The following KIAA1217 variants were observed in gnomAD, a reference collection of about 807,000 sequenced individuals.
The protein encoded by KIAA1217 is KIAA1217.
A neutral mutation model predicts 163.9 loss-of-function variants in KIAA1217; 88 were observed. The observed-to-expected ratio is 0.54, with a 90% CI of 0.45 to 0.64. The LOEUF is 0.64. KIAA1217 is among the 30% of genes least tolerant of loss of function. The probability of loss-of-function intolerance (pLI) is 0.00; values close to 1 mark genes in which losing one functional copy is unlikely to be tolerated. For missense variants in KIAA1217, 2,372 were observed against 2,475.0 expected, an observed-to-expected ratio of 0.96 and a Z score of 0.88; for synonymous variants, 903 against 923.1, an observed-to-expected ratio of 0.98 and a Z score of 0.39.
At chr10:24,411,920 G>T (rs1316250605) in intron 3 of KIAA1217, among the ~76,000 whole-genome samples, 1 of 151,988 alleles carries the variant, frequency 6.6e-6, no homozygotes, top group African/African-American at 2.4e-5. Context: ...TGATGCTTTT[G>T]ATTCCAGCCA....
chr10:23,942,666 A>G (rs1055171805), intron 1 of KIAA1217, among the ~76,000 whole-genome samples: 6 of 150,848 alleles, frequency 4.0e-5, no homozygotes, highest in Non-Finnish European at 8.9e-5. Flanking sequence ...ACATCACAGT[A>G]AGATTGCTAG....
intron 2 of KIAA1217, among the ~76,000 whole-genome samples, chr10:24,199,417 T>A (rs980739585): frequency 1.3e-5 from 2 of 152,182 alleles, no homozygotes; most frequent in Non-Finnish European, 2.9e-5. Context: ...ATGGTAAGAA[T>A]TTGACCCAAT....
At chr10:24,421,231 A>G (rs999838032) in intron 3 of KIAA1217, among the ~76,000 whole-genome samples, 3 of 152,152 alleles carry the variant, frequency 2.0e-5, no homozygotes, top group Non-Finnish European at 4.4e-5. Context: ...GTCTCAAGCT[A>G]CGGACCTCAG....
chr10:23,752,564 T>A (rs1035812870), intron 1 of KIAA1217, among the ~76,000 whole-genome samples: 3 of 152,218 alleles, frequency 2.0e-5, no homozygotes, highest in Non-Finnish European at 4.4e-5. Flanking sequence ...TCATTTTTAT[T>A]TTCATTAACT....
chr10:24,446,682 A>T (rs1460555741), intron 5 of KIAA1217, among the ~76,000 whole-genome samples: 2 of 152,222 alleles, frequency 1.3e-5, no homozygotes, highest in African/African-American at 2.4e-5. Flanking sequence ...TCAATAACTA[A>T]CATTCCTGAC....
At chr10:24,204,666 T>C (rs1349115792), upstream of KIAA1217, among the ~76,000 whole-genome samples, 1 of 152,160 alleles carries the variant, frequency 6.6e-6, no homozygotes, top group East Asian at 1.9e-4. Flanking sequence ...GTTGTAATTA[T>C]TAATAGTGTC....
rs116038425 is a variant in KIAA1217, at chr10:24,399,352, C to G, written c.553+18285C>G. 5.6e-3 allele frequency among the ~76,000 whole-genome samples: 856 copies of G among 152,208 alleles called. 8 individuals carry two copies. Among genetic ancestry groups the G allele is most frequent in the African/African-American group, 0.02 (822 of 41,528 alleles). ...GTGACGTACTCACTTTTAACTTATT[C>G]TTTTTACCGATGATGTTAACTCAAA... On this transcript the variant is annotated intron_variant, in intron 3 of 20. Coordinates refer to ENST00000376454, the MANE Select transcript of KIAA1217 (RefSeq NM_019590.5).
At chr10:24,252,481 G>A (rs1031591256) in intron 2 of KIAA1217, among the ~76,000 whole-genome samples, 11 of 152,154 alleles carry the variant, frequency 7.2e-5, no homozygotes, top group Non-Finnish European at 1.5e-4. Flanking sequence ...TCTAGAAGCC[G>A]AGGCCAAAGG....
intron 1 of KIAA1217, among the ~76,000 whole-genome samples, chr10:23,792,822 A>G (rs1328655253): frequency 6.6e-6 from 1 of 151,966 alleles, no homozygotes; most frequent in East Asian, 1.9e-4. Context: ...TTAAAGTAAG[A>G]TTGAACGTGG....
At chr10:24,225,574 T>G (rs1463332211) in intron 2 of KIAA1217, among the ~76,000 whole-genome samples, 1 of 152,232 alleles carries the variant, frequency 6.6e-6, no homozygotes, top group Non-Finnish European at 1.5e-5. Context: ...CCATATATAT[T>G]TATTTGGCAC....
intron 3 of KIAA1217, among the ~76,000 whole-genome samples, chr10:24,402,987 A>G (rs377139616): frequency 2.6e-5 from 4 of 152,304 alleles, no homozygotes; most frequent in Admixed American, 2.0e-4. Flanking sequence ...CTTTTTTAGC[A>G]TATGGTACTG....
intron 1 of KIAA1217, among the ~76,000 whole-genome samples, chr10:23,735,733 G>A (rs1035895119): frequency 6.6e-6 from 1 of 151,666 alleles, no homozygotes; most frequent in African/African-American, 2.4e-5. Context: ...TCAGTTTTTG[G>A]CTTATCTTTT....
intron 6 of KIAA1217, among the ~76,000 whole-genome samples, chr10:24,474,864 T>C (rs994315167): frequency 1.3e-5 from 2 of 152,136 alleles, no homozygotes; most frequent in Non-Finnish European, 2.9e-5. Context: ...AGAAATTGAG[T>C]CCAAAGAAGG....
At chr10:24,468,188 A>G (rs551656682) in intron 5 of KIAA1217, among the ~76,000 whole-genome samples, 4 of 152,154 alleles carry the variant, frequency 2.6e-5, no homozygotes, top group Non-Finnish European at 5.9e-5. Flanking sequence ...ACATCCCTCC[A>G]GTGATGTCCC....
At chr10:24,187,845 G>A (rs936668463) in intron 2 of KIAA1217, among the ~76,000 whole-genome samples, 19 of 148,880 alleles carry the variant, frequency 1.3e-4, no homozygotes, top group African/African-American at 1.7e-4. Context: ...AGCCAAGATC[G>A]CACCATTGCA....
intron 2 of KIAA1217, among the ~76,000 whole-genome samples, chr10:24,374,652 T>A (rs2052203398): frequency 6.6e-6 from 1 of 152,208 alleles, no homozygotes; most frequent in Admixed American, 6.5e-5. Flanking sequence ...CCCAGAGTGA[T>A]CATAGTTGCA....
intron 2 of KIAA1217, among the ~76,000 whole-genome samples, chr10:24,098,325 A>G (rs1034516466): frequency 2.0e-5 from 3 of 152,094 alleles, no homozygotes; most frequent in African/African-American, 7.2e-5. Flanking sequence ...CACTTAGAGG[A>G]AAAATAAAGA....
chr10:23,927,325 G>GGTGTGTGTGTGTGTGT (rs57321785), intron 1 of KIAA1217, among the ~76,000 whole-genome samples: 31 of 143,092 alleles, frequency 2.2e-4, no homozygotes, highest in African/African-American at 3.8e-4. Context: ...CAAGTCATAG[G>GGTGTGTGTGTGTGTGT]GTGTGTGTGT....
At chr10:24,510,317 T>C (rs938845982) in intron 9 of KIAA1217, among the ~76,000 whole-genome samples, 3 of 152,200 alleles carry the variant, frequency 2.0e-5, no homozygotes, top group Non-Finnish European at 4.4e-5. Flanking sequence ...ATGATATCCA[T>C]TGTTAATATC....
Sources: gnomAD v4.1 joint callset for allele counts (sites outside exome capture counted in the v4.1 genomes callset) on GRCh38, gnomAD v4.1.1 for gene constraint, MANE v1.5 for transcripts, NCBI Gene and HGNC (gene_info 2026-07-23, HGNC 2026-07-21) for gene names.